Variants in RALYL observed in about 807,000 individuals in gnomAD.
RALYL encodes RALY RNA binding protein like.
Under a neutral mutation model 35.1 loss-of-function variants are expected in RALYL, and 29 were observed. That is an observed-to-expected ratio of 0.83 (90% CI 0.61 to 1.13). RALYL has a LOEUF of 1.13. Among genes scored for constraint, RALYL ranks in the 50% most tolerant of loss-of-function variants. The pLI is 0.00. For synonymous variants in RALYL, 120 were observed against 127.6 expected (o/e 0.94, Z 0.40); for missense variants, 359 against 360.4 (o/e 1.00, Z 0.03).
chr8:84,276,553 AG>A (rs939936054), intron 1 of RALYL, among the ~76,000 whole-genome samples: 1 of 152,212 alleles, frequency 6.6e-6, no homozygotes, highest in Non-Finnish European at 1.5e-5. Context: ...AGTTGAAAAT[AG>A]GAGACATAAA....
At chr8:84,192,884 G>T (rs1814278991) in intron 1 of RALYL, among the ~76,000 whole-genome samples, 1 of 143,022 alleles carries the variant, frequency 7.0e-6, no homozygotes, top group African/African-American at 2.7e-5. Flanking sequence ...AGTGAGGGAG[G>T]GAGTGTGTGT....
At chr8:84,378,049 G>T (rs978261882) in intron 1 of RALYL, among the ~76,000 whole-genome samples, 2 of 151,838 alleles carry the variant, frequency 1.3e-5, no homozygotes, top group Admixed American at 6.6e-5. Context: ...TAGAACACAT[G>T]CTCTTCAATG....
At chr8:84,191,137 G>A (rs1294024951) in intron 1 of RALYL, among the ~76,000 whole-genome samples, 1 of 151,264 alleles carries the variant, frequency 6.6e-6, no homozygotes, top group Non-Finnish European at 1.5e-5. Context: ...GCGTCATAAA[G>A]AGGGCTGTTG....
intron 1 of RALYL, among the ~76,000 whole-genome samples, chr8:84,496,205 G>A (rs1490471628): frequency 6.6e-6 from 1 of 151,970 alleles, no homozygotes; most frequent in Non-Finnish European, 1.5e-5. Context: ...TCAGTTTATT[G>A]TTTTTCTTTT....
At chr8:84,803,682 C>T (rs951777582) in intron 3 of RALYL, among the ~76,000 whole-genome samples, 7 of 152,192 alleles carry the variant, frequency 4.6e-5, no homozygotes, top group Non-Finnish European at 1.5e-5. Flanking sequence ...CCCAAAGCAG[C>T]ATGGTATATG....
intron 1 of RALYL, among the ~76,000 whole-genome samples, chr8:84,419,546 T>C (rs190188030): frequency 1.8e-4 from 28 of 152,112 alleles, no homozygotes; most frequent in African/African-American, 5.5e-4. Flanking sequence ...GTCTTAACTT[T>C]TTTTTTTTTA....
chr8:84,319,455 C>A (rs1844378708), intron 1 of RALYL, among the ~76,000 whole-genome samples: 1 of 151,942 alleles, frequency 6.6e-6, no homozygotes, highest in Admixed American at 6.6e-5. Context: ...AATAGATGAC[C>A]AATTTCATAA....
At chr8:84,886,118 G>A (rs1842891491) in intron 7 of RALYL, among the ~76,000 whole-genome samples, 3 of 152,196 alleles carry the variant, frequency 2.0e-5, no homozygotes, top group African/African-American at 4.8e-5. Flanking sequence ...TCTGACAACA[G>A]AGGCAAGGCA....
intron 2 of RALYL, among the ~76,000 whole-genome samples, chr8:84,713,355 C>T (rs1842487377): frequency 6.6e-6 from 1 of 151,808 alleles, no homozygotes; most frequent in African/African-American, 2.4e-5. Flanking sequence ...ATAACTCAAA[C>T]AGCTCAATAG....
chr8:84,361,714 G>C (rs2131271855), intron 1 of RALYL, among the ~76,000 whole-genome samples: 1 of 152,192 alleles, frequency 6.6e-6, no homozygotes, highest in East Asian at 1.9e-4. Context: ...GGAGGTAGGG[G>C]AAATTCTAAA....
chr8:84,580,314 T>G (rs1415948347), intron 2 of RALYL, among the ~76,000 whole-genome samples: 1 of 152,226 alleles, frequency 6.6e-6, no homozygotes, highest in African/African-American at 2.4e-5. Flanking sequence ...ACAAAACTTA[T>G]ACATGAAGGA....
At chr8:84,542,396 ACCAC>A (rs1239762676) in intron 2 of RALYL, among the ~76,000 whole-genome samples, 1 of 152,108 alleles carries the variant, frequency 6.6e-6, no homozygotes, top group East Asian at 1.9e-4. Context: ...TTCTTAAATA[ACCAC>A]AATATTATTA....
intron 6 of RALYL, among the ~76,000 whole-genome samples, chr8:84,870,161 T>G (rs1839937909): frequency 6.6e-6 from 1 of 152,202 alleles, no homozygotes; most frequent in Non-Finnish European, 1.5e-5. Flanking sequence ...TGTTTGGTAA[T>G]TCTAAATTCA....
intron 2 of RALYL, among the ~76,000 whole-genome samples, chr8:84,569,485 A>T (rs964795375): frequency 6.6e-6 from 1 of 151,718 alleles, no homozygotes; most frequent in South Asian, 2.1e-4. Context: ...AGATATTATT[A>T]GTCCTTTGTT....
chr8:84,232,104 A>ATG (rs1825517479), intron 1 of RALYL, among the ~76,000 whole-genome samples: 1 of 152,162 alleles, frequency 6.6e-6, no homozygotes, highest in Non-Finnish European at 1.5e-5. Context: ...TTTCGGATGA[A>ATG]TGGGATATTT....
At chr8:84,416,568 C>A (rs1563884196) in intron 1 of RALYL, among the ~76,000 whole-genome samples, 1 of 150,964 alleles carries the variant, frequency 6.6e-6, no homozygotes, top group Admixed American at 6.6e-5. Flanking sequence ...TATTTGAAAC[C>A]TTTTTTTTTC....
At chr8:84,903,643 TA>T (rs1361174144) in intron 8 of RALYL, among the ~76,000 whole-genome samples, 3 of 152,190 alleles carry the variant, frequency 2.0e-5, no homozygotes, top group African/African-American at 7.2e-5. Flanking sequence ...ATAGGGTTCT[TA>T]AATAGCCTTG....
chr8:84,381,814 T>C (rs1858051234), intron 1 of RALYL, among the ~76,000 whole-genome samples: 1 of 151,850 alleles, frequency 6.6e-6, no homozygotes, highest in Middle Eastern at 3.2e-3. Context: ...TTTAGTTCTG[T>C]GACATTATTT....
chr8:84,560,843 A>T (rs1588181970), intron 2 of RALYL, among the ~76,000 whole-genome samples: 1 of 151,924 alleles, frequency 6.6e-6, no homozygotes, highest in Admixed American at 6.6e-5. Context: ...TTGTCAATTA[A>T]ATGCCCTTGG....
Sources: allele counts gnomAD v4.1 joint callset (sites outside exome capture counted in the v4.1 genomes callset), GRCh38; gene constraint gnomAD v4.1.1; transcripts MANE v1.5; gene names NCBI Gene and HGNC (gene_info 2026-07-23, HGNC 2026-07-21).